ARHGEF28: variants seen among roughly 807,000 people sequenced by gnomAD.
ARHGEF28 encodes the protein 190 kDa guanine nucleotide exchange factor.
Under a neutral mutation model 206.6 loss-of-function variants are expected in ARHGEF28, and 152 were observed. That is an observed-to-expected ratio of 0.74 (90% CI 0.64 to 0.84). ARHGEF28 has a LOEUF of 0.84. ARHGEF28 is among the 40% of genes least tolerant of loss of function. The probability of loss-of-function intolerance (pLI) is 0.00; values close to 1 mark genes in which losing one functional copy is unlikely to be tolerated. For synonymous variants in ARHGEF28, 763 were observed against 776.4 expected, an observed-to-expected ratio of 0.98 and a Z score of 0.29; for missense variants, 2,028 against 2,073.2, an observed-to-expected ratio of 0.98 and a Z score of 0.42.
intron 1 of ARHGEF28, among the ~76,000 whole-genome samples, chr5:73,657,548 T>A (rs1382264171): frequency 6.6e-6 from 1 of 152,234 alleles, no homozygotes; most frequent in Non-Finnish European, 1.5e-5. Context: ...TTTTTCATGA[T>A]GGATAGTTTT....
rs555875540 is a variant in ARHGEF28 at position 73,904,236 on chromosome 5, T to G, written c.4089T>G (p.Asn1363Lys). 6.2e-7 allele frequency: 1 copy of G among 1,613,904 alleles called. No homozygotes were observed. Among genetic ancestry groups the G allele is most frequent in the African/African-American group, 1.3e-5 (1 of 75,054 alleles). The change falls in exon 32 of 36, where the codon AAT becomes AAG. Residue 1363 changes from asparagine to lysine, a missense_variant. Physicochemically the swap from Asn to Lys is moderately conservative, Grantham distance 94. Transcript: ENST00000513042. Reference protein sequence around the residue: ...SDAGEKVECRNFPGSSQSEII... With the variant: ...SDAGEKVECRKFPGSSQSEII... ...ATGTATTTTAGGTGGAATGTAGAAA[T>G]TTTCCAGGTTCTTCACAATCAGAGG...
chr5:73,757,832 T>C (rs1280457445), intron 4 of ARHGEF28, among the ~76,000 whole-genome samples: 2 of 152,232 alleles, frequency 1.3e-5, no homozygotes, highest in African/African-American at 4.8e-5. Context: ...AAGCATTGAA[T>C]AGTAATATAA....
chr5:73,714,819 C>T (rs961696267), intron 2 of ARHGEF28, among the ~76,000 whole-genome samples: 2 of 152,092 alleles, frequency 1.3e-5, no homozygotes, highest in African/African-American at 4.8e-5. Flanking sequence ...TGGTCATTAC[C>T]CTCTCCAAAG....
intron 9 of ARHGEF28, among the ~76,000 whole-genome samples, chr5:73,802,867 T>C (rs1304512198): frequency 2.2e-5 from 3 of 133,732 alleles, no homozygotes; most frequent in Non-Finnish European, 3.2e-5. Flanking sequence ...GCAAGCTCGA[T>C]TGCTGTGTGT....
Position 73,644,322 on chromosome 5 carries a change from T to G in ARHGEF28, c.-12+18000T>G, listed in dbSNP as rs574534112. 1.4e-4 allele frequency among the ~76,000 whole-genome samples: 22 copies of G among 152,356 alleles called. No individual in the cohort carries two copies. The South Asian group carries it at 4.6e-3, about 32-fold the overall frequency. ...TCTGTGGAATTCTTCCTCACCTATG[T>G]TCACCTATATTTCAGATTTTACCAT... On this transcript the variant is annotated intron_variant, in intron 1 of 35. Transcript: ENST00000513042.
chr5:73,725,069 A>AC (rs149191454), intron 2 of ARHGEF28, among the ~76,000 whole-genome samples: 3,266 of 152,226 alleles, frequency 0.021, 113 homozygotes, highest in African/African-American at 0.075. Flanking sequence ...GTTAAAAAAA[A>AC]CCCTTAATTC....
intron 35 of ARHGEF28, among the ~76,000 whole-genome samples, chr5:73,914,083 T>A (rs955752741): frequency 3.9e-5 from 6 of 152,190 alleles, no homozygotes; most frequent in Admixed American, 2.6e-4. Context: ...CAGTACAGCC[T>A]CAGCAGACAT....
chr5:73,647,203 T>C (rs1403902507), intron 1 of ARHGEF28, among the ~76,000 whole-genome samples: 1 of 152,234 alleles, frequency 6.6e-6, no homozygotes, highest in East Asian at 1.9e-4. Context: ...TTTAATTTTA[T>C]GTATAAAATT....
intron 1 of ARHGEF28, among the ~76,000 whole-genome samples, chr5:73,644,701 C>G (rs985250296): frequency 6.6e-6 from 1 of 152,186 alleles, no homozygotes; most frequent in Non-Finnish European, 1.5e-5. Flanking sequence ...TTGCCTGTCT[C>G]CTCCCTGCAC....
At chr5:73,636,428 G>A (rs1743720343) in intron 1 of ARHGEF28, among the ~76,000 whole-genome samples, 1 of 152,174 alleles carries the variant, frequency 6.6e-6, no homozygotes, top group Non-Finnish European at 1.5e-5. Flanking sequence ...AAAATAAAGA[G>A]TAAGTTTTTT....
In ARHGEF28 at chr5:73,911,582, A is replaced by C. The variant is rs577256212; in HGVS notation, c.4948+7A>C. On this transcript the variant is annotated splice_region_variant and intron_variant, in intron 35 of 35. Coordinates refer to ENST00000513042, the MANE Select transcript of ARHGEF28 (RefSeq NM_001177693.2). The stretch of plus-strand genomic sequence containing the variant: ...AAGGATTCTTGTAAAAATGGTAATT[A>C]ACACTTTAAACATCATCTGTATAGT... 5.3e-5 allele frequency: 84 copies of C among 1,577,516 alleles called. No homozygotes were observed. In the South Asian group the frequency reaches 9.4e-4, roughly 18 times the overall value.
At chr5:73,828,267 T>G (rs1457601185) in intron 9 of ARHGEF28, among the ~76,000 whole-genome samples, 1 of 152,226 alleles carries the variant, frequency 6.6e-6, no homozygotes, top group African/African-American at 2.4e-5. Flanking sequence ...AAAGGAGTGG[T>G]GGTCCTGTTA....
At chr5:73,807,701 G>A (rs1755594131) in intron 9 of ARHGEF28, among the ~76,000 whole-genome samples, 1 of 151,792 alleles carries the variant, frequency 6.6e-6, no homozygotes, top group African/African-American at 2.4e-5. Context: ...GGCCAGGCTG[G>A]TCTCGAACTC....
In ARHGEF28 at chr5:73,882,464, T is replaced by A. The variant is rs1761014440; in HGVS notation, c.2815-8T>A. On this transcript the variant is annotated splice_polypyrimidine_tract_variant and splice_region_variant and intron_variant, in intron 22 of 35. Coordinates refer to ENST00000513042, the MANE Select transcript of ARHGEF28 (RefSeq NM_001177693.2). ...TTACAAACCATTATTTAAATGTTAT[T>A]CTTCCAGTTTTCAGAAGAAAATGCA... is the stretch of plus-strand genomic sequence containing the variant. 7.1e-7 allele frequency: 1 copy of A among 1,415,908 alleles called. No individual in the cohort carries two copies. The highest frequency in any genetic ancestry group is 1.5e-5 in the African/African-American group (1 of 67,812). 87.7% of individuals were successfully genotyped at this position (1,415,908 alleles called of 1,614,324 possible).
At chr5:73,852,780 G>C (rs1022818697) in intron 14 of ARHGEF28, 88 bp downstream of exon 14, 23 of 1,373,714 alleles carry the variant, frequency 1.7e-5, no homozygotes, top group Non-Finnish European at 2.3e-5. Flanking sequence ...CTGTTCACTA[G>C]TTCATGAGAG....
Position 73,857,713 on chromosome 5 carries a change from A to T in ARHGEF28, c.1848A>T (p.Lys616Asn). 1 of 1,611,344 alleles carries T rather than the reference A, an allele frequency of 6.2e-7. No homozygotes were observed. The highest frequency in any genetic ancestry group is 2.2e-5 in the East Asian group (1 of 44,750). The change falls in exon 15 of 36, where the codon AAA becomes AAT. Residue 616 changes from lysine to asparagine, a missense_variant. Transcript: ENST00000513042. ...TACCTGCCAAATCAGAGTCTGAAAA[A>T]TATAAAGTGAGTCGAACTTTCAGTT... ...YIIPAKSESE[K>N]YKVSRTFSFL...
chr5:73,757,596 C>T (rs906710142), intron 4 of ARHGEF28, among the ~76,000 whole-genome samples: 1 of 152,128 alleles, frequency 6.6e-6, no homozygotes, highest in African/African-American at 2.4e-5. Context: ...GAGCATGGAT[C>T]TTGTAACAAA....
chr5:73,760,556 G>A (rs1411031458), intron 4 of ARHGEF28, among the ~76,000 whole-genome samples: 1 of 152,172 alleles, frequency 6.6e-6, no homozygotes, highest in African/African-American at 2.4e-5. Context: ...TAGGGGTGGA[G>A]AGAATGTTCT....
At chr5:73,728,857 G>A (rs1330809978) in intron 2 of ARHGEF28, among the ~76,000 whole-genome samples, 5 of 152,190 alleles carry the variant, frequency 3.3e-5, no homozygotes, top group Non-Finnish European at 5.9e-5. Flanking sequence ...GTGTGAACTT[G>A]CCCCAAGAAA....
Sources: allele counts gnomAD v4.1 joint callset (sites outside exome capture counted in the v4.1 genomes callset), GRCh38; gene constraint gnomAD v4.1.1; transcripts MANE v1.5; gene names NCBI Gene and HGNC (gene_info 2026-07-23, HGNC 2026-07-21).